The following FHIT variants were observed in gnomAD, a reference collection of about 807,000 sequenced individuals.
FHIT encodes bis(5'-adenosyl)-triphosphatase.
A neutral mutation model predicts 17.9 loss-of-function variants in FHIT; 19 were observed. The observed-to-expected ratio is 1.06, with a 90% CI of 0.74 to 1.56. FHIT has a LOEUF of 1.56. Among genes scored for constraint, FHIT ranks in the 40% most tolerant of loss-of-function variants. The pLI is 0.00. For missense variants in FHIT, 248 were observed against 189.2 expected (o/e 1.31, Z -1.82); for synonymous variants, 81 against 69.7 (o/e 1.16, Z -0.81).
chr3:60,615,681 G>A (rs2038930190), intron 4 of FHIT, among the ~76,000 whole-genome samples: 1 of 152,150 alleles, frequency 6.6e-6, no homozygotes, highest in South Asian at 2.1e-4. Flanking sequence ...GATGCTGCAA[G>A]ATATATTCAG....
intron 4 of FHIT, among the ~76,000 whole-genome samples, chr3:60,802,296 G>A (rs1039277935): frequency 1.1e-4 from 17 of 152,200 alleles, no homozygotes; most frequent in African/African-American, 1.4e-4. Flanking sequence ...ACAGGAGGGT[G>A]TTCTCAGAAC....
chr3:60,090,128 C>A lies in FHIT; in HGVS notation c.104-75976G>T, dbSNP rs143284127. ...AAAATGGGAATCTGATCATCTCTCCCATCTGCCCCCCACCCCACGTACATC... is the reference window on the plus strand; with the variant it reads ...AAAATGGGAATCTGATCATCTCTCCAATCTGCCCCCCACCCCACGTACATC... On this transcript the variant is annotated intron_variant, in intron 5 of 9. Transcript: ENST00000492590. Among the ~76,000 whole-genome samples, 656 of 152,242 alleles carry A rather than the reference C, an allele frequency of 4.3e-3. 2 individuals carry two copies. The highest frequency in any genetic ancestry group is 0.015 in the African/African-American group (624 of 41,558).
intron 4 of FHIT, among the ~76,000 whole-genome samples, chr3:60,749,882 C>T (rs1176192251): frequency 2.0e-5 from 3 of 152,148 alleles, no homozygotes; most frequent in Non-Finnish European, 1.5e-5. Flanking sequence ...TTTAGATGGT[C>T]TGCATGTGAC....
At chr3:60,943,910 A>G (rs1387833589) in intron 3 of FHIT, among the ~76,000 whole-genome samples, 5 of 152,084 alleles carry the variant, frequency 3.3e-5, no homozygotes, top group African/African-American at 1.2e-4. Context: ...AAGTGAATCC[A>G]CTTGTCATCT....
At chr3:60,723,544 T>G (rs150303925) in intron 4 of FHIT, among the ~76,000 whole-genome samples, 376 of 152,304 alleles carry the variant, frequency 2.5e-3, no homozygotes, top group African/African-American at 8.6e-3. Context: ...AGTGCCCTAG[T>G]AGGCAACACT....
chr3:60,211,583 A>G (rs1039336160), intron 5 of FHIT, among the ~76,000 whole-genome samples: 1 of 152,202 alleles, frequency 6.6e-6, no homozygotes, highest in African/African-American at 2.4e-5. Flanking sequence ...AAGATACATA[A>G]CAATTTAAAG....
At chr3:60,268,149 C>A (rs765345594) in intron 5 of FHIT, among the ~76,000 whole-genome samples, 1 of 152,108 alleles carries the variant, frequency 6.6e-6, no homozygotes, top group Non-Finnish European at 1.5e-5. Context: ...GCTTTTCAGG[C>A]GTTAACACCC....
intron 5 of FHIT, among the ~76,000 whole-genome samples, chr3:60,083,844 T>G (rs898003878): frequency 6.6e-6 from 1 of 152,226 alleles, no homozygotes; most frequent in Non-Finnish European, 1.5e-5. Context: ...TGCAGGCTCT[T>G]GTTTGCCAAC....
At chr3:60,374,390 C>T (rs917419597) in intron 5 of FHIT, among the ~76,000 whole-genome samples, 1 of 151,732 alleles carries the variant, frequency 6.6e-6, no homozygotes, top group South Asian at 2.1e-4. Flanking sequence ...GCTGCTAATG[C>T]AATTCTGTAA....
chr3:60,641,481 T>C (rs1290224191), intron 4 of FHIT, among the ~76,000 whole-genome samples: 1 of 152,126 alleles, frequency 6.6e-6, no homozygotes, highest in Non-Finnish European at 1.5e-5. Flanking sequence ...TGCTTCAGAA[T>C]TTGCATGGCA....
At chr3:61,089,714 C>G (rs556459742) in intron 2 of FHIT, among the ~76,000 whole-genome samples, 4 of 152,274 alleles carry the variant, frequency 2.6e-5, no homozygotes, top group Non-Finnish European at 1.5e-5. Flanking sequence ...TTCAAAGACT[C>G]ATTGTGTGTA....
chr3:61,028,656 T>A lies in FHIT; in HGVS notation c.-111+13391A>T, dbSNP rs182573915. On this transcript the variant is annotated intron_variant, in intron 3 of 9. Transcript: ENST00000492590. The stretch of plus-strand genomic sequence containing the variant: ...TGCTTCTTAATCTAAAAAAGGAGAA[T>A]AGTAACTCCTGACCCAGAGCACTGT... Among the ~76,000 whole-genome samples the A allele has an allele frequency of 3.2e-4, 48 of 152,240 alleles. No individual in the cohort carries two copies. The East Asian group carries it at 3.3e-3, about 10-fold the overall frequency.
At chr3:60,417,063 T>C (rs568658963) in intron 5 of FHIT, among the ~76,000 whole-genome samples, 2 of 149,496 alleles carry the variant, frequency 1.3e-5, no homozygotes, top group African/African-American at 5.0e-5. Flanking sequence ...CACTCCAGCC[T>C]GGTCGACAGA....
chr3:60,812,173 CTCTTT>C (rs1553736252), intron 4 of FHIT, among the ~76,000 whole-genome samples: 1 of 140,838 alleles, frequency 7.1e-6, no homozygotes, highest in African/African-American at 2.6e-5. Flanking sequence ...GAAATACAGA[CTCTTT>C]TTTTTTTTTT....
intron 2 of FHIT, among the ~76,000 whole-genome samples, chr3:61,064,382 C>T (rs1277909100): frequency 2.6e-5 from 4 of 152,110 alleles, no homozygotes; most frequent in Non-Finnish European, 5.9e-5. Flanking sequence ...GGCCAATACA[C>T]CGCCAATGGT....
intron 1 of FHIT, among the ~76,000 whole-genome samples, chr3:61,205,129 T>C (rs1023845244): frequency 6.6e-6 from 1 of 152,090 alleles, no homozygotes; most frequent in Non-Finnish European, 1.5e-5. Context: ...GCTTCATCCA[T>C]GTCCCTACAA....
intron 5 of FHIT, among the ~76,000 whole-genome samples, chr3:60,496,177 C>G (rs2034292554): frequency 6.6e-6 from 1 of 151,984 alleles, no homozygotes; most frequent in South Asian, 2.1e-4. Context: ...AAGGCACTAT[C>G]CCCTGTCCCG....
intron 7 of FHIT, among the ~76,000 whole-genome samples, chr3:59,977,075 T>C (rs1346229315): frequency 6.6e-6 from 1 of 152,128 alleles, no homozygotes; most frequent in Non-Finnish European, 1.5e-5. Flanking sequence ...TCCATAGAGC[T>C]TGGATATACC....
At chr3:60,686,315 C>T (rs2040860849) in intron 4 of FHIT, among the ~76,000 whole-genome samples, 1 of 152,150 alleles carries the variant, frequency 6.6e-6, no homozygotes, top group Non-Finnish European at 1.5e-5. Context: ...ATTTATCTCT[C>T]ACCAATTTTG....
Sources: gnomAD v4.1 joint callset for allele counts (sites outside exome capture counted in the v4.1 genomes callset) on GRCh38, gnomAD v4.1.1 for gene constraint, MANE v1.5 for transcripts, NCBI Gene and HGNC (gene_info 2026-07-23, HGNC 2026-07-21) for gene names.